Variants in AFAP1 observed in about 807,000 individuals in gnomAD.
AFAP1 encodes actin filament associated protein 1.
Under a neutral mutation model 93.9 loss-of-function variants are expected in AFAP1, and 75 were observed. The observed-to-expected ratio is 0.80, with a 90% CI of 0.66 to 0.97. AFAP1 has a LOEUF of 0.97. AFAP1 is among the 50% of genes least tolerant of loss of function. The pLI, the probability that AFAP1 is intolerant of heterozygous loss-of-function variation, is 0.00. For missense variants in AFAP1, 1,201 were observed against 1,050.8 expected (o/e 1.14, Z -1.98); for synonymous variants, 517 against 430.7 (o/e 1.20, Z -2.48).
At chr4:7,901,599 G>T (rs900856426) in intron 1 of AFAP1, among the ~76,000 whole-genome samples, 1 of 152,214 alleles carries the variant, frequency 6.6e-6, no homozygotes, top group African/African-American at 2.4e-5. Flanking sequence ...CCGCACAGGA[G>T]GGAAAAGATA....
intron 10 of AFAP1, among the ~76,000 whole-genome samples, chr4:7,796,451 T>TA (rs1274828705): frequency 6.6e-6 from 1 of 152,128 alleles, no homozygotes; most frequent in Non-Finnish European, 1.5e-5. Context: ...AATCACTGAT[T>TA]AAAAATCTAT....
At chr4:7,866,954 G>A (rs111837153) in intron 3 of AFAP1, among the ~76,000 whole-genome samples, 150 of 151,524 alleles carry the variant, frequency 9.9e-4, no homozygotes, top group African/African-American at 3.3e-3. Context: ...AGAGAGGATT[G>A]CTTGAGTCCA....
At chr4:7,815,971 G>GTTT (rs35907552) in intron 8 of AFAP1, 47 bp downstream of exon 8, 25 of 1,283,480 alleles carry the variant, frequency 1.9e-5, no homozygotes, top group East Asian at 5.5e-5. Flanking sequence ...TTTTGTTTTT[G>GTTT]TTTTTTTTTT....
At chr4:7,904,805 C>G (rs1345346900) in intron 1 of AFAP1, among the ~76,000 whole-genome samples, 2 of 152,108 alleles carry the variant, frequency 1.3e-5, no homozygotes. Flanking sequence ...TTCCTGGGCT[C>G]AAGAGATTCT....
At chr4:7,798,864 T>A in intron 10 of AFAP1, 7 of 965,976 alleles carry the variant, frequency 7.2e-6, no homozygotes, top group Non-Finnish European at 8.6e-6. Context: ...GTCTGGGCAC[T>A]TGCCCAGCAT....
At chr4:7,794,284 GC>G (rs1044400840) in intron 10 of AFAP1, among the ~76,000 whole-genome samples, 3 of 152,126 alleles carry the variant, frequency 2.0e-5, no homozygotes. Flanking sequence ...CCCTGGGTGA[GC>G]CCCCCTACAT....
intron 1 of AFAP1, among the ~76,000 whole-genome samples, chr4:7,922,542 G>T (rs1300069303): frequency 6.6e-6 from 1 of 152,212 alleles, no homozygotes; most frequent in Non-Finnish European, 1.5e-5. Flanking sequence ...GCAGCTCTCA[G>T]GCTGGGCTTC....
chr4:7,900,988 G>C (rs1003305195), intron 1 of AFAP1, among the ~76,000 whole-genome samples: 1 of 152,224 alleles, frequency 6.6e-6, no homozygotes, highest in African/African-American at 2.4e-5. Flanking sequence ...TAGGGAATCT[G>C]TTGCTTTCCA....
At chr4:7,899,895 G>A (rs1448389176) in intron 1 of AFAP1, among the ~76,000 whole-genome samples, 1 of 122,556 alleles carries the variant, frequency 8.2e-6, no homozygotes, top group South Asian at 2.6e-4. Flanking sequence ...AAAGGAAGGG[G>A]TCAAGAATCC....
chr4:7,861,295 A>C (rs1039594405), intron 3 of AFAP1, among the ~76,000 whole-genome samples: 1 of 152,246 alleles, frequency 6.6e-6, no homozygotes, highest in African/African-American at 2.4e-5. Flanking sequence ...CATTCATGCC[A>C]TCATCTAAAC....
Position 7,808,197 on chromosome 4 carries a change from C to T in AFAP1, c.1054+1417G>A, listed in dbSNP as rs148706412. ...GCACATTCCTATAATTTCTCGAAAA[C>T]GTAGCTCATCAAGTTTTCCTCCTAG... On this transcript the variant is annotated intron_variant, in intron 9 of 17. Transcript: ENST00000420658. 3.6e-4 allele frequency among the ~76,000 whole-genome samples: 55 copies of T among 152,264 alleles called. No homozygotes were observed. The Middle Eastern group carries it at 0.01, about 28-fold the overall frequency.
intron 13 of AFAP1, 27 bp from the exon 14 acceptor site, chr4:7,778,903 T>A: frequency 6.7e-7 from 1 of 1,482,230 alleles, no homozygotes; most frequent in South Asian, 1.2e-5. Flanking sequence ...ATAAGAACAT[T>A]AAAAATAAAC....
At chr4:7,914,556 G>A (rs530643136) in intron 1 of AFAP1, among the ~76,000 whole-genome samples, 38 of 152,260 alleles carry the variant, frequency 2.5e-4, no homozygotes, top group African/African-American at 7.0e-4. Context: ...GCTGGACACC[G>A]AGGCTGATTC....
chr4:7,803,416 C>T (rs954727219), intron 9 of AFAP1, among the ~76,000 whole-genome samples: 3 of 152,240 alleles, frequency 2.0e-5, no homozygotes, highest in African/African-American at 2.4e-5. Flanking sequence ...TGCAGCAGGG[C>T]AGCAGTTCCC....
chr4:7,870,006 AG>A (rs1278832507), intron 2 of AFAP1, among the ~76,000 whole-genome samples: 1 of 152,192 alleles, frequency 6.6e-6, no homozygotes, highest in East Asian at 1.9e-4. Flanking sequence ...ACAGGAAATC[AG>A]GGGAAAGCAA....
At chr4:7,896,002 A>C (rs1718744582) in intron 1 of AFAP1, among the ~76,000 whole-genome samples, 3 of 151,990 alleles carry the variant, frequency 2.0e-5, no homozygotes, top group African/African-American at 7.2e-5. Context: ...CTGGTATTAC[A>C]GGCATGTGCC....
chr4:7,871,544 C>T (rs1553849952), intron 2 of AFAP1, among the ~76,000 whole-genome samples: 47,150 of 152,140 alleles, frequency 0.31, 8,976 homozygotes, highest in Non-Finnish European at 0.44. Context: ...GGACAGAGCA[C>T]ACAGACGCTG....
chr4:7,885,368 C>T (rs1175345936), intron 1 of AFAP1, among the ~76,000 whole-genome samples: 2 of 152,176 alleles, frequency 1.3e-5, no homozygotes, highest in African/African-American at 4.8e-5. Context: ...GTCCCTGCGT[C>T]GTCCCACACA....
intron 8 of AFAP1, among the ~76,000 whole-genome samples, chr4:7,812,774 G>A (rs1341433523): frequency 2.0e-5 from 3 of 152,226 alleles, no homozygotes; most frequent in Non-Finnish European, 2.9e-5. Context: ...CGACGGAAAC[G>A]GGAATTCAGG....
Sources: allele counts gnomAD v4.1 joint callset (sites outside exome capture counted in the v4.1 genomes callset), GRCh38; gene constraint gnomAD v4.1.1; transcripts MANE v1.5; gene names NCBI Gene and HGNC (gene_info 2026-07-23, HGNC 2026-07-21).